Variants in CADM2 observed in about 807,000 individuals in gnomAD.
CADM2 encodes immunoglobulin superfamily member 4D.
A neutral mutation model predicts 49.8 loss-of-function variants in CADM2; 12 were observed. That is an observed-to-expected ratio of 0.24 (90% CI 0.15 to 0.39). The LOEUF is 0.39. CADM2 is among the 10% of genes least tolerant of loss of function. CADM2 has a pLI of 1.00. For synonymous variants in CADM2, 214 were observed against 175.4 expected (o/e 1.22, Z -1.74); for missense variants, 378 against 492.3 (o/e 0.77, Z 2.20).
chr3:85,277,880 A>C (rs1159100729), intron 1 of CADM2, among the ~76,000 whole-genome samples: 1 of 151,346 alleles, frequency 6.6e-6, no homozygotes, highest in Non-Finnish European at 1.5e-5. Context: ...CTCTGAATCT[A>C]AACTTTGTTC....
chr3:85,191,554 G>T (rs760715418), intron 1 of CADM2, among the ~76,000 whole-genome samples: 5 of 152,078 alleles, frequency 3.3e-5, no homozygotes, highest in Non-Finnish European at 7.4e-5. Context: ...TTGTGAACCT[G>T]TCAGCAAGTT....
intron 1 of CADM2, among the ~76,000 whole-genome samples, chr3:85,345,468 C>A (rs1020384117): frequency 6.6e-6 from 1 of 152,044 alleles, no homozygotes; most frequent in Non-Finnish European, 1.5e-5. Flanking sequence ...TCATTCACCA[C>A]CTGATAAGAT....
chr3:85,527,719 T>C (rs891144086), intron 1 of CADM2, among the ~76,000 whole-genome samples: 4 of 152,126 alleles, frequency 2.6e-5, no homozygotes, highest in African/African-American at 9.6e-5. Context: ...ATAATACAAA[T>C]TGACAATGTC....
At chr3:85,359,892 T>C (rs1437354870) in intron 1 of CADM2, among the ~76,000 whole-genome samples, 2 of 151,086 alleles carry the variant, frequency 1.3e-5, no homozygotes, top group Non-Finnish European at 3.0e-5. Context: ...TAAACATAAA[T>C]AGTATTCTAT....
At chr3:85,077,932 G>A (rs1263080567) in intron 1 of CADM2, among the ~76,000 whole-genome samples, 1 of 151,842 alleles carries the variant, frequency 6.6e-6, no homozygotes, top group African/African-American at 2.4e-5. Context: ...TAAAATTTTG[G>A]CATCATGTTT....
intron 8 of CADM2, among the ~76,000 whole-genome samples, chr3:86,061,095 G>A (rs1738584660): frequency 6.6e-6 from 1 of 151,844 alleles, no homozygotes; most frequent in Non-Finnish European, 1.5e-5. Flanking sequence ...TAACATTAAT[G>A]CAAACATATG....
intron 1 of CADM2, among the ~76,000 whole-genome samples, chr3:85,115,292 G>A (rs1189915558): frequency 6.6e-6 from 1 of 152,168 alleles, no homozygotes; most frequent in Non-Finnish European, 1.5e-5. Context: ...CTCAAGAGCA[G>A]CAGATGAATT....
intron 1 of CADM2, among the ~76,000 whole-genome samples, chr3:85,043,310 T>G (rs1358636952): frequency 1.3e-5 from 2 of 151,886 alleles, no homozygotes; most frequent in Non-Finnish European, 2.9e-5. Flanking sequence ...AAATAATCAA[T>G]ATGCCAAATA....
intron 6 of CADM2, among the ~76,000 whole-genome samples, chr3:85,926,899 T>A (rs1350714792): frequency 6.6e-6 from 1 of 152,122 alleles, no homozygotes; most frequent in Non-Finnish European, 1.5e-5. Flanking sequence ...GAACATAGTA[T>A]GAAAAACATC....
At chr3:85,609,365 A>G (rs1179740941) in intron 1 of CADM2, among the ~76,000 whole-genome samples, 1 of 152,128 alleles carries the variant, frequency 6.6e-6, no homozygotes, top group Non-Finnish European at 1.5e-5. Context: ...TTGAAGTGTC[A>G]TATTTTGTTA....
chr3:85,476,496 G>A (rs2038979970), intron 1 of CADM2, among the ~76,000 whole-genome samples: 1 of 151,840 alleles, frequency 6.6e-6, no homozygotes, highest in African/African-American at 2.4e-5. Flanking sequence ...GAGGGAAGAT[G>A]AATACATTCA....
intron 1 of CADM2, among the ~76,000 whole-genome samples, chr3:85,485,435 C>T (rs1212093866): frequency 6.6e-6 from 1 of 151,906 alleles, no homozygotes; most frequent in Non-Finnish European, 1.5e-5. Flanking sequence ...CAGACATAGG[C>T]TTTAAATTAT....
At chr3:85,787,908 A>T (rs1269315911) in intron 2 of CADM2, among the ~76,000 whole-genome samples, 1 of 152,046 alleles carries the variant, frequency 6.6e-6, no homozygotes, top group Non-Finnish European at 1.5e-5. Context: ...CAGTTCTTTC[A>T]ACAGCTAACC....
intron 8 of CADM2, chr3:86,012,891 C>G: frequency 3.5e-6 from 2 of 572,930 alleles, no homozygotes; most frequent in South Asian, 1.8e-5. Flanking sequence ...AGGAGAATGG[C>G]GTGAACCCGG....
chr3:85,408,115 T>C (rs1426285281), intron 1 of CADM2, among the ~76,000 whole-genome samples: 1 of 151,006 alleles, frequency 6.6e-6, no homozygotes, highest in African/African-American at 2.4e-5. Flanking sequence ...AACTGAAATA[T>C]TGAAGTATAG....
chr3:85,654,583 T>A (rs1228049520), intron 1 of CADM2, among the ~76,000 whole-genome samples: 1 of 152,146 alleles, frequency 6.6e-6, no homozygotes. Flanking sequence ...GAGTAGAAGA[T>A]CCAGAGAGTC....
chr3:85,849,584 CTG>C (rs1295880948), intron 3 of CADM2, among the ~76,000 whole-genome samples: 5 of 152,132 alleles, frequency 3.3e-5, no homozygotes, highest in Non-Finnish European at 7.4e-5. Context: ...TAGAAATAAA[CTG>C]TTAAAACAGC....
At chr3:85,063,076 A>T (rs2036394800) in intron 1 of CADM2, among the ~76,000 whole-genome samples, 1 of 151,948 alleles carries the variant, frequency 6.6e-6, no homozygotes, top group African/African-American at 2.4e-5. Context: ...ACTAAAAATG[A>T]CTTTAATATT....
chr3:85,266,385 A>G (rs1451527373), intron 1 of CADM2, among the ~76,000 whole-genome samples: 2 of 151,926 alleles, frequency 1.3e-5, no homozygotes, highest in African/African-American at 2.4e-5. Context: ...TCCAAAAAAT[A>G]TATGGGTTAT....
Sources: gnomAD v4.1 joint callset for allele counts (sites outside exome capture counted in the v4.1 genomes callset) on GRCh38, gnomAD v4.1.1 for gene constraint, MANE v1.5 for transcripts, NCBI Gene and HGNC (gene_info 2026-07-23, HGNC 2026-07-21) for gene names.